Variants in ZNF318 observed in about 807,000 individuals in gnomAD.
ZNF318 encodes the protein endocrine regulator.
Under a neutral mutation model 124.2 loss-of-function variants are expected in ZNF318, and 51 were observed. The observed-to-expected ratio is 0.41, with a 90% CI of 0.33 to 0.52. The LOEUF is 0.52. Ranked by LOEUF, ZNF318 falls within the 20% of genes least tolerant of loss-of-function variation. The probability of loss-of-function intolerance (pLI) is 0.23; values close to 1 mark genes in which losing one functional copy is unlikely to be tolerated. For synonymous variants in ZNF318, 1,090 were observed against 1,040.7 expected, an observed-to-expected ratio of 1.05 and a Z score of -0.91; for missense variants, 2,815 against 2,811.2, an observed-to-expected ratio of 1.00 and a Z score of -0.03.
chr6:43,354,927 G>C lies in ZNF318; in HGVS notation c.2407C>G (p.Pro803Ala). 4.3e-6 allele frequency: 7 copies of C among 1,611,112 alleles called. No individual in the cohort carries two copies. The highest frequency in any genetic ancestry group is 5.1e-6 in the Non-Finnish European group (6 of 1,178,034). ...HYMAYAASRW[P>A]MYPTSQPSNH... Reference sequence around the variant, plus strand: ...GACGGTTGAGAGGTGGGATACATGGGCCATCTGGAGGCTGCATATGCCATG... The same window carrying C: ...GACGGTTGAGAGGTGGGATACATGGCCCATCTGGAGGCTGCATATGCCATG... The change falls in exon 4 of 10, where the codon CCC becomes GCC. Residue 803 changes from proline to alanine, a missense_variant. By Grantham distance (27) the Pro-to-Ala change is conservative. This residue lies in a region of ZNF318 where 1,377 missense variants were observed against 1,353.5 expected (regional missense o/e 1.02). Transcript: ENST00000361428.
chr6:43,360,748 A>G (rs1269448919), intron 2 of ZNF318, among the ~76,000 whole-genome samples: 1 of 152,242 alleles, frequency 6.6e-6, no homozygotes, highest in Non-Finnish European at 1.5e-5. Context: ...TCCATACAAT[A>G]AAATATTATC....
rs1288390848 is a variant in ZNF318 at position 43,339,403 on chromosome 6, A to C, written c.4595T>G (p.Phe1532Cys). 1 of 1,612,802 alleles carries C rather than the reference A, an allele frequency of 6.2e-7. No homozygotes were observed. The highest frequency in any genetic ancestry group is 2.2e-5 in the East Asian group (1 of 44,826). ...VSESDRDQTL[F>C]SVLVRPPPPL... ...TGGTGGAGGACGTACTAACACAGAG[A>C]ACAGGGTCTGGTCTCGGTCACTCTC... Residue 1532 changes from phenylalanine to cysteine, a missense_variant, in exon 10 of 10, where the codon TTC becomes TGC. Physicochemically the swap from Phe to Cys is radical, Grantham distance 205 (BLOSUM62 -2). Coordinates refer to ENST00000361428, the MANE Select transcript of ZNF318 (RefSeq NM_014345.3). The surrounding 1 kb of genome is among the most constrained non-coding windows in gnomAD (Gnocchi z 4.2).
In ZNF318 at chr6:43,339,189, G is replaced by T. The variant is rs1208202746; in HGVS notation, c.4809C>A (p.Asn1603Lys). Residue 1603 changes from asparagine to lysine, a missense_variant, in exon 10 of 10, where the codon AAC becomes AAA. Physicochemically the swap from Asn to Lys is moderately conservative, Grantham distance 94. Transcript: ENST00000361428. This position sits in a 1 kb window ranked among gnomAD's most constrained non-coding sequence, Gnocchi z 4.2. ...TGTCTGAACTTTTGGTTCTAGAGAG[G>T]TTGCTATTTTCCCCATTGGCCAATG... ...GGPLANGENS[N>K]LSRTKSSDTS... 2 of 1,614,050 alleles carry T rather than the reference G, an allele frequency of 1.2e-6. No homozygotes were observed. Among genetic ancestry groups the T allele is most frequent in the Non-Finnish European group, 1.7e-6 (2 of 1,180,048 alleles).
At chr6:43,353,500 G>A (rs1157832842) in intron 4 of ZNF318, among the ~76,000 whole-genome samples, 1 of 151,392 alleles carries the variant, frequency 6.6e-6, no homozygotes, top group Non-Finnish European at 1.5e-5. Context: ...ACAGCCTCCT[G>A]AGTAGCTGGG....
At chr6:43,354,418 T>G (rs1779574639) in intron 4 of ZNF318, among the ~76,000 whole-genome samples, 1 of 152,156 alleles carries the variant, frequency 6.6e-6, no homozygotes, top group Non-Finnish European at 1.5e-5. Flanking sequence ...TTAACTTGGA[T>G]AGAATTAAAC....
chr6:43,362,615 T>C (rs1464888364), intron 2 of ZNF318, among the ~76,000 whole-genome samples: 2 of 141,508 alleles, frequency 1.4e-5, no homozygotes, highest in South Asian at 4.9e-4. Flanking sequence ...TTCAAGCTTC[T>C]CCTGCCTCAG....
Position 43,343,605 on chromosome 6 carries a change from G to A in ZNF318, c.3073-726C>T, listed in dbSNP as rs558021501. Among the ~76,000 whole-genome samples the A allele has an allele frequency of 7.2e-5, 11 of 152,228 alleles. No individual in the cohort carries two copies. In the East Asian group the frequency reaches 2.1e-3, roughly 29 times the overall value. On this transcript the variant is annotated intron_variant, in intron 6 of 9. Transcript: ENST00000361428. Reference sequence around the variant, plus strand: ...TCACTTTGGGAGGTCGAGGTGGGCAGATCACTTGAGGCCAGGAGTTCGAGA... The same window carrying A: ...TCACTTTGGGAGGTCGAGGTGGGCAAATCACTTGAGGCCAGGAGTTCGAGA...
Position 43,348,601 on chromosome 6 carries a change from C to G in ZNF318, c.2795G>C (p.Arg932Thr). ...QQGEMLRKKRREKDGHKDPLL... is the reference protein window; with the variant it reads ...QQGEMLRKKRTEKDGHKDPLL... ...AGGATCTTTGTGGCCATCCTTCTCCCTTCGTTTCTTGCGCAGCATTTCTCC... is the reference window on the plus strand; with the variant it reads ...AGGATCTTTGTGGCCATCCTTCTCCGTTCGTTTCTTGCGCAGCATTTCTCC... The change falls in exon 6 of 10, where the codon AGG (arginine) becomes ACG (threonine). Residue 932 changes from arginine (R) to threonine (T), a missense_variant. This residue lies in a region of ZNF318 where 1,377 missense variants were observed against 1,353.5 expected (regional missense o/e 1.02). Coordinates refer to ENST00000361428, the MANE Select transcript of ZNF318 (RefSeq NM_014345.3). The G allele has an allele frequency of 6.2e-7, 1 of 1,613,958 alleles. No individual in the cohort carries two copies. The highest frequency in any genetic ancestry group is 8.5e-7 in the Non-Finnish European group (1 of 1,179,922).
In ZNF318 at chr6:43,357,329, C is replaced by G; in HGVS notation, c.985G>C (p.Glu329Gln). The change falls in exon 3 of 10, where the codon GAG (glutamate) becomes CAG (glutamine). Residue 329 changes from glutamate (E) to glutamine (Q), a missense_variant. By Grantham distance (29) the Glu-to-Gln change is conservative. Coordinates refer to ENST00000361428, the MANE Select transcript of ZNF318 (RefSeq NM_014345.3). ...TGACTCAAGCTCCTACTTCGCTCCT[C>G]CTCTTCCTCTCGCTTTCGTCTGGCA... ...DLARRKREEE[E>Q]ERSRSLSQEL... The G allele has an allele frequency of 1.2e-6, 2 of 1,614,186 alleles. No individual in the cohort carries two copies. Among genetic ancestry groups the G allele is most frequent in the African/African-American group, 2.7e-5 (2 of 75,056 alleles).
At chr6:43,362,006 A>C (rs1779686407) in intron 2 of ZNF318, among the ~76,000 whole-genome samples, 1 of 152,008 alleles carries the variant, frequency 6.6e-6, no homozygotes, top group South Asian at 2.1e-4. Flanking sequence ...AAATTTGAAA[A>C]ATTAGCTGGG....
At chr6:43,351,711 A>G (rs1779526199) in intron 5 of ZNF318, among the ~76,000 whole-genome samples, 1 of 151,834 alleles carries the variant, frequency 6.6e-6, no homozygotes, top group Admixed American at 6.6e-5. Context: ...CAGTGAGCCA[A>G]GACTGCACCA....
chr6:43,364,293 AGGGTT>A (rs1298880627), intron 2 of ZNF318: 1 of 389,520 alleles, frequency 2.6e-6, no homozygotes, highest in Non-Finnish European at 4.6e-6. Context: ...GCTACAACAT[AGGGTT>A]TTTATACAAG....
chr6:43,362,257 G>A (rs1319102009), intron 2 of ZNF318, among the ~76,000 whole-genome samples: 1 of 151,894 alleles, frequency 6.6e-6, no homozygotes, highest in Non-Finnish European at 1.5e-5. Context: ...GTCAGTTCGA[G>A]ACCAGCCTGG....
Position 43,355,192 on chromosome 6 carries a change from C to G in ZNF318, c.2142G>C (p.Lys714Asn). 1 of 1,614,198 alleles carries G rather than the reference C, an allele frequency of 6.2e-7. No homozygotes were observed. Among genetic ancestry groups the G allele is most frequent in the Non-Finnish European group, 8.5e-7 (1 of 1,180,038 alleles). Residue 714 changes from lysine to asparagine, a missense_variant, in exon 4 of 10, where the codon AAG (lysine) becomes AAC (asparagine). Around this residue, in one of 4 missense-constraint regions of ZNF318, gnomAD observed 1,377 missense variants for 1,353.5 expected, o/e 1.02. Coordinates refer to ENST00000361428, the MANE Select transcript of ZNF318 (RefSeq NM_014345.3). ...AAATATGACCCACTGGATGGTCAGA[C>G]TTTAGGAATGGAGGGCTGTTTTTTG... Reference protein sequence around the residue: ...LLTKNSPPFLKSDHPVGHISG... With the variant: ...LLTKNSPPFLNSDHPVGHISG...
intron 8 of ZNF318, 106 bp downstream of exon 8, chr6:43,342,005 AG>A: frequency 1.0e-6 from 1 of 955,052 alleles, no homozygotes; most frequent in Non-Finnish European, 1.7e-6. Context: ...CTTTGTTAAA[AG>A]GAATGGCTGT....
At chr6:43,368,388 A>G (rs1779789169) in intron 1 of ZNF318, among the ~76,000 whole-genome samples, 2 of 152,354 alleles carry the variant, frequency 1.3e-5, no homozygotes, top group South Asian at 2.1e-4. Context: ...AAGGCTAGGC[A>G]TAATTCCTGA....
At position 43,338,035 on chromosome 6, in the gene ZNF318, T is replaced by A; in HGVS notation, c.5963A>T (p.Glu1988Val). Residue 1988 changes from glutamate (E) to valine (V), a missense_variant, in exon 10 of 10, where the codon GAG (glutamate) becomes GTG (valine). Transcript: ENST00000361428. ...EALELQDVHP[E>V]LTVTIESKAL... The stretch of plus-strand genomic sequence containing the variant: ...CTTGCTTTCTATTGTCACTGTTAAC[T>A]CTGGATGGACATCTTGTAGCTCCAG... 1 of 1,614,226 alleles carries A rather than the reference T, an allele frequency of 6.2e-7. No homozygotes were observed. Among genetic ancestry groups the A allele is most frequent in the Non-Finnish European group, 8.5e-7 (1 of 1,180,044 alleles).
At position 43,354,761 on chromosome 6, in the gene ZNF318, G is replaced by T. The variant is rs374413744; in HGVS notation, c.2573C>A (p.Ala858Glu). Residue 858 changes from alanine (A) to glutamate (E), a missense_variant, in exon 4 of 10, where the codon GCG becomes GAG. Around this residue, in one of 4 missense-constraint regions of ZNF318, gnomAD observed 1,377 missense variants for 1,353.5 expected, o/e 1.02. Transcript: ENST00000361428. ...QKESLRGSIP[A>E]AQVPVQVSIP... ...GGACACCTGGACAGGCACTTGGGCCGCAGGAATTGAGCCTCGCAGAGACTC... is the reference window on the plus strand; with the variant it reads ...GGACACCTGGACAGGCACTTGGGCCTCAGGAATTGAGCCTCGCAGAGACTC... 1.2e-5 allele frequency: 20 copies of T among 1,614,038 alleles called. No homozygotes were observed. Among genetic ancestry groups the T allele is most frequent in the Non-Finnish European group, 1.7e-5 (20 of 1,180,022 alleles).
chr6:43,348,263 G>C, intron 6 of ZNF318, 61 bp downstream of exon 6: 1 of 1,481,302 alleles, frequency 6.8e-7, no homozygotes, highest in Non-Finnish European at 9.1e-7. Flanking sequence ...AAAATGGTTA[G>C]AAAACCATAG....
Sources: gnomAD v4.1 joint callset for allele counts (sites outside exome capture counted in the v4.1 genomes callset) on GRCh38, gnomAD v4.1.1 for gene constraint, gnomAD v4.1.1 regional missense constraint, Gnocchi (gnomAD v3.1) non-coding constraint, MANE v1.5 for transcripts, NCBI Gene and HGNC (gene_info 2026-07-23, HGNC 2026-07-21) for gene names.